The following DISC1 variants were observed in gnomAD, a reference collection of about 807,000 sequenced individuals.
The protein encoded by DISC1 is DISC1 scaffold protein.
A neutral mutation model predicts 84.5 loss-of-function variants in DISC1; 57 were observed. That is an observed-to-expected ratio of 0.67 (90% CI 0.55 to 0.84). DISC1 has a LOEUF of 0.84. Among genes scored for constraint, DISC1 ranks in the 40% least tolerant of loss-of-function variants. The pLI is 0.00. For synonymous variants in DISC1, 411 were observed against 415.2 expected (o/e 0.99, Z 0.12); for missense variants, 1,000 against 1,057.8 (o/e 0.95, Z 0.76).
intron 1 of DISC1, among the ~76,000 whole-genome samples, chr1:231,643,267 C>T (rs181982418): frequency 1.1e-3 from 164 of 152,240 alleles, no homozygotes; most frequent in Non-Finnish European, 5.9e-4. Context: ...ACAGGAAATC[C>T]CAGCTTCAGA....
intron 12 of DISC1, among the ~76,000 whole-genome samples, chr1:232,032,642 G>T (rs920103583): frequency 6.6e-6 from 1 of 152,134 alleles, no homozygotes; most frequent in African/African-American, 2.4e-5. Context: ...GTTATGGGGG[G>T]CAGATACTTA....
At chr1:231,831,081 C>T (rs1468427896) in intron 9 of DISC1, among the ~76,000 whole-genome samples, 1 of 152,182 alleles carries the variant, frequency 6.6e-6, no homozygotes, top group Non-Finnish European at 1.5e-5. Context: ...GGAAAGGCCT[C>T]TACCCATCCA....
intron 1 of DISC1, among the ~76,000 whole-genome samples, chr1:231,634,475 G>A (rs993172292): frequency 6.6e-6 from 1 of 152,186 alleles, no homozygotes; most frequent in East Asian, 1.9e-4. Flanking sequence ...AAGTCTTAAT[G>A]TTTCCCTAGC....
intron 1 of DISC1, among the ~76,000 whole-genome samples, chr1:231,635,632 C>G (rs2125125259): frequency 6.6e-6 from 1 of 152,316 alleles, no homozygotes; most frequent in South Asian, 2.1e-4. Context: ...TTAGACCAAA[C>G]TCTTAATTAT....
intron 10 of DISC1, among the ~76,000 whole-genome samples, chr1:231,967,306 G>T (rs576899832): frequency 1.3e-5 from 2 of 152,302 alleles, no homozygotes; most frequent in African/African-American, 4.8e-5. Context: ...GGGAACCGGG[G>T]TCAAAAATTG....
intron 11 of DISC1, among the ~76,000 whole-genome samples, chr1:232,016,892 G>C (rs999689883): frequency 6.6e-6 from 1 of 152,058 alleles, no homozygotes; most frequent in African/African-American, 2.4e-5. Context: ...TTGAATATGT[G>C]GATGAATACT....
rs146593535 is a variant in DISC1 at position 231,909,432 on chromosome 1, G to A, written c.1982-49396G>A. ...TTTCTGCATCTATTGAGATAATCACGTGGTTTTTCTCTTTGGTTCTGTTTA... is the reference window on the plus strand; with the variant it reads ...TTTCTGCATCTATTGAGATAATCACATGGTTTTTCTCTTTGGTTCTGTTTA... On this transcript the variant is annotated intron_variant, in intron 9 of 12. Transcript: ENST00000439617. Among the ~76,000 whole-genome samples the A allele has an allele frequency of 2.3e-3, 353 of 152,276 alleles. 2 individuals are homozygous for A. Among genetic ancestry groups the A allele is most frequent in the African/African-American group, 8.0e-3 (332 of 41,574 alleles).
rs1054179278 is a variant in DISC1, at chr1:231,912,288, T to C, written c.1982-46540T>C. On this transcript the variant is annotated intron_variant, in intron 9 of 12. Transcript: ENST00000439617. ...TTTAGAATTTTCAGCTTTTCTGCTCTGGTTTCTCCCCATCTTTGTGGTTTT... is the reference window on the plus strand; with the variant it reads ...TTTAGAATTTTCAGCTTTTCTGCTCCGGTTTCTCCCCATCTTTGTGGTTTT... Among the ~76,000 whole-genome samples, 4 of 152,258 alleles carry C rather than the reference T, an allele frequency of 2.6e-5. No individual in the cohort carries two copies. In the East Asian group the frequency reaches 7.7e-4, roughly 29 times the overall value.
intron 10 of DISC1, among the ~76,000 whole-genome samples, chr1:231,977,230 T>G (rs551497327): frequency 2.6e-5 from 4 of 152,238 alleles, no homozygotes; most frequent in Non-Finnish European, 5.9e-5. Context: ...CTTTTGCTGC[T>G]GTAACAAATT....
chr1:231,906,989 T>G (rs2088718544), intron 9 of DISC1, among the ~76,000 whole-genome samples: 1 of 129,584 alleles, frequency 7.7e-6, no homozygotes, highest in African/African-American at 2.9e-5. Flanking sequence ...TTCTTTCTTT[T>G]CTTTCTTTCT....
At chr1:231,657,098 C>A (rs1036469174) in intron 1 of DISC1, among the ~76,000 whole-genome samples, 1 of 152,174 alleles carries the variant, frequency 6.6e-6, no homozygotes, top group Admixed American at 6.5e-5. Flanking sequence ...AATGAACATA[C>A]ACATGCATGT....
At chr1:231,931,214 G>A (rs2090635140) in intron 9 of DISC1, among the ~76,000 whole-genome samples, 1 of 152,148 alleles carries the variant, frequency 6.6e-6, no homozygotes, top group African/African-American at 2.4e-5. Flanking sequence ...TTTCCTGGTG[G>A]TCGTTAATAC....
chr1:231,881,328 G>A (rs1426579615), intron 9 of DISC1, among the ~76,000 whole-genome samples: 1 of 152,160 alleles, frequency 6.6e-6, no homozygotes, highest in Non-Finnish European at 1.5e-5. Context: ...TGAGACCAAG[G>A]CGATGGCAAG....
intron 8 of DISC1, among the ~76,000 whole-genome samples, chr1:231,801,814 G>T (rs1187581864): frequency 1.3e-5 from 2 of 151,020 alleles, no homozygotes; most frequent in Non-Finnish European, 2.9e-5. Flanking sequence ...GAATGGAAAG[G>T]ATCTTGGTTT....
rs6667745 is a variant in DISC1 at position 231,916,586 on chromosome 1, C to T, written c.1982-42242C>T. 4.8e-3 allele frequency among the ~76,000 whole-genome samples: 666 copies of T among 139,710 alleles called. 9 individuals carry two copies. The highest frequency in any genetic ancestry group is 0.017 in the African/African-American group (631 of 37,290). 91.7% of individuals were successfully genotyped at this position (139,710 alleles called of 152,430 possible). A position where few individuals can be genotyped will look rare whatever the true frequency, so the allele number is the denominator to read the frequency against. On this transcript the variant is annotated intron_variant, in intron 9 of 12. Transcript: ENST00000439617. Reference sequence around the variant, plus strand: ...AGGAGAATGGCGTGAACCCGGGAGGCGGAGCTTGCAGTGAGCCGAGATCCC... The same window carrying T: ...AGGAGAATGGCGTGAACCCGGGAGGTGGAGCTTGCAGTGAGCCGAGATCCC...
chr1:231,673,277 G>T (rs1390989887), intron 1 of DISC1, among the ~76,000 whole-genome samples: 1 of 152,160 alleles, frequency 6.6e-6, no homozygotes, highest in African/African-American at 2.4e-5. Context: ...GTGGGAAAAT[G>T]ACTCACTCAG....
At chr1:231,878,380 A>G (rs2086044343) in intron 9 of DISC1, among the ~76,000 whole-genome samples, 1 of 152,172 alleles carries the variant, frequency 6.6e-6, no homozygotes, top group South Asian at 2.1e-4. Flanking sequence ...ATAGTAACAG[A>G]TGGGGAGAAA....
At position 231,877,949 on chromosome 1, in the gene DISC1, C is replaced by A. The variant is rs573088297; in HGVS notation, c.1981+59432C>A. Among the ~76,000 whole-genome samples, 33 of 152,300 alleles carry A rather than the reference C, an allele frequency of 2.2e-4. 1 individual carries two copies. The East Asian group carries it at 4.4e-3, about 20-fold the overall frequency. Reference sequence around the variant, plus strand: ...AGTGGTAAGTATCTCAATTCATATTCACTGAGGGCAAGATGAAGACAAATG... The same window carrying A: ...AGTGGTAAGTATCTCAATTCATATTAACTGAGGGCAAGATGAAGACAAATG... On this transcript the variant is annotated intron_variant, in intron 9 of 12. Transcript: ENST00000439617.
intron 3 of DISC1, among the ~76,000 whole-genome samples, chr1:231,736,822 A>G (rs1198368274): frequency 6.6e-6 from 1 of 152,244 alleles, no homozygotes; most frequent in Non-Finnish European, 1.5e-5. Context: ...ACCTCCTTAG[A>G]ATTAGAATGG....
Sources: allele counts gnomAD v4.1 joint callset (sites outside exome capture counted in the v4.1 genomes callset), GRCh38; gene constraint gnomAD v4.1.1; transcripts MANE v1.5; gene names NCBI Gene and HGNC (gene_info 2026-07-23, HGNC 2026-07-21).